MAML2: variants seen among roughly 807,000 people sequenced by gnomAD.
The protein encoded by MAML2 is mastermind-like protein 2.
Under a neutral mutation model 96.1 loss-of-function variants are expected in MAML2, and 22 were observed. That is an observed-to-expected ratio of 0.23 (90% CI 0.16 to 0.33). The LOEUF (loss-of-function observed/expected upper bound fraction) is 0.33. Among genes scored for constraint, MAML2 ranks in the 10% least tolerant of loss-of-function variants. MAML2 has a pLI of 1.00. For synonymous variants in MAML2, 561 were observed against 521.3 expected, an observed-to-expected ratio of 1.08 and a Z score of -1.04; for missense variants, 1,367 against 1,392.4, an observed-to-expected ratio of 0.98 and a Z score of 0.29.
At position 96,128,585 on chromosome 11, in the gene MAML2, A is replaced by C. The variant is rs141708812; in HGVS notation, c.514-35068T>G. Among the ~76,000 whole-genome samples the C allele has an allele frequency of 2.0e-5, 3 of 152,314 alleles. No individual in the cohort carries two copies. The East Asian group carries it at 5.8e-4, about 29-fold the overall frequency. On this transcript the variant is annotated intron_variant, in intron 1 of 4. Transcript: ENST00000524717. The stretch of plus-strand genomic sequence containing the variant: ...TAGAGTTTGCTGACACTAAGATATT[A>C]CACAGCTTCCTATTTATCAGGTTTA...
chr11:96,193,151 A>G (rs1428083617), intron 1 of MAML2, among the ~76,000 whole-genome samples: 1 of 152,100 alleles, frequency 6.6e-6, no homozygotes, highest in African/African-American at 2.4e-5. Context: ...GGCGGATCAC[A>G]AGGTCAGGAG....
At chr11:96,288,987 T>C (rs1287730942) in intron 1 of MAML2, among the ~76,000 whole-genome samples, 6 of 152,244 alleles carry the variant, frequency 3.9e-5, no homozygotes, top group Admixed American at 3.9e-4. Flanking sequence ...GCAGTGTACT[T>C]AGAGACAGAA....
At chr11:96,315,578 T>G (rs1196141341) in intron 1 of MAML2, among the ~76,000 whole-genome samples, 3 of 152,212 alleles carry the variant, frequency 2.0e-5, no homozygotes, top group Non-Finnish European at 4.4e-5. Context: ...CTTTTTACAT[T>G]TTTGTGCCTC....
rs77972801 is a variant in MAML2, at chr11:96,096,207, C to T, written c.514-2690G>A. ...GAAAAAACCTGTTCAGCCAGATTCT[C>T]TCACTGCTCTGGCCACTCCCTGGGC... On this transcript the variant is annotated intron_variant, in intron 1 of 4. Transcript: ENST00000524717. Among the ~76,000 whole-genome samples, 653 of 152,346 alleles carry T rather than the reference C, an allele frequency of 4.3e-3. 7 individuals are homozygous for T. The highest frequency in any genetic ancestry group is 0.015 in the African/African-American group (623 of 41,582).
In MAML2 at chr11:95,979,842, T is replaced by C. The variant is rs1591074855; in HGVS notation, c.2577A>G (p.Ser859=). The C allele has an allele frequency of 6.2e-7, 1 of 1,613,984 alleles. No homozygotes were observed. Among genetic ancestry groups the C allele is most frequent in the East Asian group, 2.2e-5 (1 of 44,884 alleles). The change falls in exon 5 of 5, where the codon TCA becomes TCG. Residue 859 remains serine, a synonymous_variant. Transcript: ENST00000524717. ...LSTSHGTRMP[S]LSTAVQNMGM... ...CCATATTCTGAACTGCTGTAGATAATGATGGCATTCTTGTCCCGTGAGAAG... is the reference window on the plus strand; with the variant it reads ...CCATATTCTGAACTGCTGTAGATAACGATGGCATTCTTGTCCCGTGAGAAG...
chr11:96,271,421 A>G (rs1226310619), intron 1 of MAML2, among the ~76,000 whole-genome samples: 1 of 152,124 alleles, frequency 6.6e-6, no homozygotes, highest in Non-Finnish European at 1.5e-5. Flanking sequence ...CTGGAATGAT[A>G]TAGTTTGGCT....
At chr11:96,191,786 A>AAAC (rs1555022162) in intron 1 of MAML2, among the ~76,000 whole-genome samples, 10 of 151,230 alleles carry the variant, frequency 6.6e-5, no homozygotes, top group Middle Eastern at 3.4e-3. Flanking sequence ...AAAAAAAAAA[A>AAAC]CCACAAAAGA....
intron 1 of MAML2, among the ~76,000 whole-genome samples, chr11:96,339,445 G>C (rs1428398190): frequency 6.6e-6 from 1 of 152,236 alleles, no homozygotes; most frequent in East Asian, 1.9e-4. Context: ...AAAAGCAGAA[G>C]CTCAAAGAAC....
chr11:96,238,547 A>G (rs1001818166), intron 1 of MAML2, among the ~76,000 whole-genome samples: 2 of 152,204 alleles, frequency 1.3e-5, no homozygotes, highest in African/African-American at 4.8e-5. Context: ...CTCCCTCACA[A>G]TGACATTTAG....
At chr11:96,310,304 T>C (rs1192475618) in intron 1 of MAML2, among the ~76,000 whole-genome samples, 2 of 152,170 alleles carry the variant, frequency 1.3e-5, no homozygotes, top group Non-Finnish European at 2.9e-5. Context: ...ACGTTAAAAA[T>C]TTTGAAACAA....
At chr11:96,021,322 A>G (rs1858431985) in intron 2 of MAML2, among the ~76,000 whole-genome samples, 1 of 152,236 alleles carries the variant, frequency 6.6e-6, no homozygotes, top group African/African-American at 2.4e-5. Flanking sequence ...TATTTGTTAA[A>G]TGAATGGAAA....
In MAML2 at chr11:95,985,574, T is replaced by C. The variant is rs1424212807; in HGVS notation, c.2412A>G (p.Gln804=). The change falls in exon 4 of 5, where the codon CAA becomes CAG. Residue 804 remains glutamine, a synonymous_variant. Transcript: ENST00000524717. ...LSRPPPDYKD[Q]RRNVGNMQPT... ...GTTGCATATTGCCCACATTTCTTCT[T>C]TGGTCTTTATAATCTGGAGGTGGCC... 3.7e-6 allele frequency: 6 copies of C among 1,612,804 alleles called. No individual in the cohort carries two copies. In the Admixed American group the frequency reaches 1.0e-4, roughly 27 times the overall value.
intron 1 of MAML2, among the ~76,000 whole-genome samples, chr11:96,213,343 C>A (rs1258663974): frequency 6.6e-6 from 1 of 152,162 alleles, no homozygotes; most frequent in East Asian, 1.9e-4. Flanking sequence ...ACTATACGCC[C>A]AGTAATGGAG....
chr11:96,308,399 C>T (rs1276288807), intron 1 of MAML2, among the ~76,000 whole-genome samples: 1 of 152,144 alleles, frequency 6.6e-6, no homozygotes, highest in African/African-American at 2.4e-5. Flanking sequence ...TATTTAAGTA[C>T]TAACCCTCAA....
intron 1 of MAML2, among the ~76,000 whole-genome samples, chr11:96,098,424 A>G (rs181537784): frequency 6.6e-6 from 1 of 152,336 alleles, no homozygotes; most frequent in Admixed American, 6.5e-5. Flanking sequence ...GTGGGTGAGA[A>G]GCATTTTTTA....
intron 2 of MAML2, among the ~76,000 whole-genome samples, chr11:96,040,869 G>C (rs1302858982): frequency 6.6e-6 from 1 of 152,124 alleles, no homozygotes; most frequent in Non-Finnish European, 1.5e-5. Flanking sequence ...GCTCAGTGCT[G>C]ACTGTTTTTG....
At chr11:96,315,274 T>C (rs762023881) in intron 1 of MAML2, among the ~76,000 whole-genome samples, 1 of 152,194 alleles carries the variant, frequency 6.6e-6, no homozygotes, top group Non-Finnish European at 1.5e-5. Flanking sequence ...TGGAAGGACA[T>C]AGTTGTCCTC....
chr11:95,999,595 T>C, intron 2 of MAML2, among the ~76,000 whole-genome samples: 1 of 151,024 alleles, frequency 6.6e-6, no homozygotes, highest in East Asian at 1.9e-4. Flanking sequence ...AAAAAAGCTC[T>C]ACAAAATATT....
chr11:96,325,789 G>A (rs1863767968), intron 1 of MAML2, among the ~76,000 whole-genome samples: 1 of 152,084 alleles, frequency 6.6e-6, no homozygotes. Flanking sequence ...TTCTTCCCTG[G>A]AAATGTCGGA....
Sources: gnomAD v4.1 joint callset for allele counts (sites outside exome capture counted in the v4.1 genomes callset) on GRCh38, gnomAD v4.1.1 for gene constraint, MANE v1.5 for transcripts, NCBI Gene and HGNC (gene_info 2026-07-23, HGNC 2026-07-21) for gene names.